CADPS2: variants seen among roughly 807,000 people sequenced by gnomAD.
The protein encoded by CADPS2 is calcium-dependent secretion activator 2.
In CADPS2, 93 loss-of-function variants were observed where a neutral mutation model predicts 172.5. The observed-to-expected ratio is 0.54, with a 90% CI of 0.46 to 0.64. CADPS2 has a LOEUF of 0.64. CADPS2 is among the 30% of genes least tolerant of loss of function. The pLI, the probability that CADPS2 is intolerant of heterozygous loss-of-function variation, is 0.00. For missense variants in CADPS2, 1,420 were observed against 1,565.9 expected (o/e 0.91, Z 1.57); for synonymous variants, 546 against 555.2 (o/e 0.98, Z 0.23).
chr7:122,381,127 A>G (rs2042948598), intron 24 of CADPS2, among the ~76,000 whole-genome samples: 1 of 152,074 alleles, frequency 6.6e-6, no homozygotes, highest in South Asian at 2.1e-4. Context: ...CTCCACAGAC[A>G]CACTTACAAA....
At chr7:122,877,647 A>G (rs907481383) in intron 1 of CADPS2, among the ~76,000 whole-genome samples, 1 of 152,188 alleles carries the variant, frequency 6.6e-6, no homozygotes, top group African/African-American at 2.4e-5. Context: ...TTGATTATAA[A>G]TGCAAGAGAT....
intron 17 of CADPS2, among the ~76,000 whole-genome samples, chr7:122,434,391 C>T: frequency 6.6e-6 from 1 of 151,598 alleles, no homozygotes; most frequent in Middle Eastern, 3.2e-3. Flanking sequence ...CAGTTAAAAA[C>T]AACCCAAGCA....
chr7:122,655,125 A>G (rs1219053226), intron 3 of CADPS2, among the ~76,000 whole-genome samples: 1 of 152,212 alleles, frequency 6.6e-6, no homozygotes, highest in Non-Finnish European at 1.5e-5. Context: ...ACGAACAAAG[A>G]AAGTTGTGTC....
intron 2 of CADPS2, chr7:122,701,979 A>G (rs1203424536): frequency 6.2e-7 from 1 of 1,613,652 alleles, no homozygotes; most frequent in Non-Finnish European, 8.5e-7. Context: ...CAAACAACAC[A>G]GTTGTCTTCA....
chr7:122,705,573 AT>A (rs1239185318), intron 2 of CADPS2, among the ~76,000 whole-genome samples: 1 of 115,934 alleles, frequency 8.6e-6, no homozygotes, highest in Non-Finnish European at 1.6e-5. Context: ...TATATTATCT[AT>A]ATTATATATT....
intron 2 of CADPS2, among the ~76,000 whole-genome samples, chr7:122,705,672 A>G (rs1425911049): frequency 1.2e-5 from 1 of 83,574 alleles, no homozygotes; most frequent in East Asian, 2.9e-4. Flanking sequence ...TATATAATAT[A>G]TTATATAATA....
chr7:122,808,556 C>T (rs1254151545), intron 1 of CADPS2, among the ~76,000 whole-genome samples: 1 of 152,160 alleles, frequency 6.6e-6, no homozygotes, highest in Non-Finnish European at 1.5e-5. Context: ...AAAAGTGTTG[C>T]TTTGAGGCAA....
intron 15 of CADPS2, among the ~76,000 whole-genome samples, chr7:122,442,785 T>C (rs1282024949): frequency 7.4e-6 from 1 of 135,686 alleles, no homozygotes; most frequent in Admixed American, 7.5e-5. Context: ...GTCACTCAAG[T>C]TTTTTTTTTA....
At position 122,804,048 on chromosome 7, in the gene CADPS2, G is replaced by A. The variant is rs572509140; in HGVS notation, c.340-66980C>T. Among the ~76,000 whole-genome samples the A allele has an allele frequency of 4.7e-5, 7 of 149,100 alleles. No homozygotes were observed. In the East Asian group the frequency reaches 1.4e-3, roughly 30 times the overall value. ...TTTGCTTAAGGGACAGCTCTCCTTT[G>A]GCCAGTTCACTGTGGTCACTCATTC... On this transcript the variant is annotated intron_variant, in intron 1 of 29. Transcript: ENST00000449022.
intron 4 of CADPS2, among the ~76,000 whole-genome samples, chr7:122,623,819 A>G (rs1375251113): frequency 6.6e-6 from 1 of 152,196 alleles, no homozygotes; most frequent in Non-Finnish European, 1.5e-5. Context: ...AACAAAGAAA[A>G]AGGCGAGCAT....
In CADPS2 at chr7:122,355,510, G is replaced by T. The variant is rs892132896; in HGVS notation, c.3504+5278C>A. On this transcript the variant is annotated intron_variant, in intron 27 of 29. Coordinates refer to ENST00000449022, the MANE Select transcript of CADPS2 (RefSeq NM_017954.11). ...GCACGAGAATCACTTGAACCCGGGA[G>T]GTTGGAGGTTGCAGTGAGCCAAGAT... 4.0e-5 allele frequency among the ~76,000 whole-genome samples: 6 copies of T among 151,868 alleles called. No homozygotes were observed. The East Asian group carries it at 1.2e-3, about 29-fold the overall frequency.
At chr7:122,614,363 C>T (rs564860486) in intron 6 of CADPS2, among the ~76,000 whole-genome samples, 24 of 152,230 alleles carry the variant, frequency 1.6e-4, no homozygotes, top group African/African-American at 5.5e-4. Context: ...ATGAACATTT[C>T]TCATATATCT....
At chr7:122,768,608 A>C (rs1411087922) in intron 1 of CADPS2, among the ~76,000 whole-genome samples, 1 of 152,150 alleles carries the variant, frequency 6.6e-6, no homozygotes, top group Non-Finnish European at 1.5e-5. Flanking sequence ...AGGAATCAAA[A>C]TAAATGTTTT....
At chr7:122,561,587 G>GT (rs2065789687) in intron 7 of CADPS2, among the ~76,000 whole-genome samples, 1 of 152,108 alleles carries the variant, frequency 6.6e-6, no homozygotes, top group Non-Finnish European at 1.5e-5. Flanking sequence ...TAGGCAAGCC[G>GT]TTAGTAGTCT....
chr7:122,716,886 C>T (rs1417849629), intron 2 of CADPS2, among the ~76,000 whole-genome samples: 1 of 151,972 alleles, frequency 6.6e-6, no homozygotes, highest in East Asian at 1.9e-4. Flanking sequence ...GAAAGCAGAA[C>T]CCAAAGGAAA....
chr7:122,617,060 T>C (rs1044641816), intron 5 of CADPS2, among the ~76,000 whole-genome samples: 2 of 152,198 alleles, frequency 1.3e-5, no homozygotes, highest in Non-Finnish European at 2.9e-5. Flanking sequence ...ACACTGCATC[T>C]CTTTCTGCAG....
chr7:122,436,253 T>C (rs186564049), intron 17 of CADPS2: 5 of 534,658 alleles, frequency 9.4e-6, no homozygotes, highest in African/African-American at 6.3e-5. Flanking sequence ...GTTGTGTACA[T>C]TAAATATGTA....
chr7:122,563,542 A>G (rs1164685588), intron 7 of CADPS2, among the ~76,000 whole-genome samples: 1 of 152,132 alleles, frequency 6.6e-6, no homozygotes, highest in Non-Finnish European at 1.5e-5. Flanking sequence ...AGACACTTTC[A>G]ATTTTATATC....
chr7:122,421,252 A>T (rs1369126606), intron 17 of CADPS2: 1 of 152,266 alleles, frequency 6.6e-6, no homozygotes, highest in East Asian at 1.9e-4. Context: ...TGTATATATT[A>T]TGTAACAATT....
Sources: gnomAD v4.1 joint callset for allele counts (sites outside exome capture counted in the v4.1 genomes callset) on GRCh38, gnomAD v4.1.1 for gene constraint, MANE v1.5 for transcripts, NCBI Gene and HGNC (gene_info 2026-07-23, HGNC 2026-07-21) for gene names.